Variants in FBN2 observed in about 807,000 individuals in gnomAD.
The protein encoded by FBN2 is fibrillin-2.
Under a neutral mutation model 355.6 loss-of-function variants are expected in FBN2, and 105 were observed. That is an observed-to-expected ratio of 0.30 (90% CI 0.25 to 0.35). The LOEUF (loss-of-function observed/expected upper bound fraction) is 0.35. Ranked by LOEUF, FBN2 falls within the 10% of genes least tolerant of loss-of-function variation. The pLI, the probability that FBN2 is intolerant of heterozygous loss-of-function variation, is 1.00. For missense variants in FBN2, 3,280 were observed against 3,758.7 expected (o/e 0.87, Z 3.33); for synonymous variants, 1,350 against 1,301.2 (o/e 1.04, Z -0.81).
intron 7 of FBN2, 158 bp downstream of exon 7, chr5:128,446,323 A>C: frequency 2.8e-6 from 2 of 719,892 alleles, no homozygotes; most frequent in Middle Eastern, 4.1e-4. Flanking sequence ...TAAGGCTACA[A>C]TACACAAACA....
chr5:128,400,172 T>C (rs1473410395), intron 8 of FBN2, among the ~76,000 whole-genome samples: 1 of 151,744 alleles, frequency 6.6e-6, no homozygotes, highest in African/African-American at 2.4e-5. Context: ...TATTTTTTGG[T>C]TTATTTTGTG....
chr5:128,487,678 T>C (rs1416712809), intron 5 of FBN2, among the ~76,000 whole-genome samples: 1 of 139,796 alleles, frequency 7.2e-6, no homozygotes, highest in Non-Finnish European at 1.5e-5. Context: ...AATCAATGAA[T>C]GTTTCACTTT....
At chr5:128,506,764 T>C (rs1457669331) in intron 5 of FBN2, among the ~76,000 whole-genome samples, 1 of 152,150 alleles carries the variant, frequency 6.6e-6, no homozygotes. Flanking sequence ...CCTTCTTTCA[T>C]GTTGAGGAAA....
chr5:128,412,859 C>T (rs11241957), intron 7 of FBN2, among the ~76,000 whole-genome samples: 20,035 of 151,974 alleles, frequency 0.13, 2,329 homozygotes, highest in East Asian at 0.71. Context: ...ATATAATAGT[C>T]CAGGGATAAA....
intron 27 of FBN2, 35 bp from the exon 28 acceptor site, chr5:128,336,148 A>C: frequency 6.2e-7 from 1 of 1,607,110 alleles, no homozygotes; most frequent in South Asian, 1.1e-5. Context: ...GCTTTACACA[A>C]TGTCCACTCA....
At chr5:128,359,152 C>A (rs1018521476) in intron 19 of FBN2, among the ~76,000 whole-genome samples, 1 of 151,950 alleles carries the variant, frequency 6.6e-6, no homozygotes, top group African/African-American at 2.4e-5. Context: ...TCTGTAACTT[C>A]AATCTGAAAT....
chr5:128,442,415 G>C (rs1382773893), intron 7 of FBN2: 1 of 455,060 alleles, frequency 2.2e-6, no homozygotes, highest in South Asian at 1.6e-5. Context: ...AAAGAAAAAC[G>C]CTGAGCTGTC....
At chr5:128,360,553 G>A (rs1751612620) in intron 19 of FBN2, among the ~76,000 whole-genome samples, 1 of 152,006 alleles carries the variant, frequency 6.6e-6, no homozygotes, top group African/African-American at 2.4e-5. Flanking sequence ...ATTTTATGCT[G>A]AAGTTTTCTT....
intron 4 of FBN2, among the ~76,000 whole-genome samples, chr5:128,525,281 G>A (rs901102206): frequency 4.6e-5 from 7 of 152,090 alleles, no homozygotes; most frequent in African/African-American, 1.7e-4. Context: ...CTCTTCATTG[G>A]TTATGAAACT....
intron 9 of FBN2, 150 bp from the exon 10 acceptor site, chr5:128,393,518 G>T: frequency 1.5e-6 from 1 of 647,190 alleles, no homozygotes; most frequent in African/African-American, 1.8e-5. Context: ...TTTTAATGCT[G>T]GCAGTAGCAA....
chr5:128,302,345 C>T (rs1247423996), intron 46 of FBN2, among the ~76,000 whole-genome samples: 1 of 152,250 alleles, frequency 6.6e-6, no homozygotes, highest in Non-Finnish European at 1.5e-5. Context: ...TGTCATTTCT[C>T]TTATTCTCTC....
In FBN2 at chr5:128,361,772, A is replaced by G; in HGVS notation, c.2505T>C (p.Cys835=). ...TGAACACATACCCTGGTGGGCACGT[A>G]CAGCTGTAACTTCCTGGCGTGTTTC... ...LCRNTPGSYS[C]TCPPGYVFRT... The change falls in exon 19 of 65, where the codon TGT becomes TGC. Residue 835 remains cysteine (C), a synonymous_variant. Coordinates refer to ENST00000262464, the MANE Select transcript of FBN2 (RefSeq NM_001999.4). 1 of 1,614,152 alleles carries G rather than the reference A, an allele frequency of 6.2e-7. No individual in the cohort carries two copies. Among genetic ancestry groups the G allele is most frequent in the Non-Finnish European group, 8.5e-7 (1 of 1,179,970 alleles).
chr5:128,383,937 C>T (rs987276641), intron 11 of FBN2, among the ~76,000 whole-genome samples: 14 of 151,996 alleles, frequency 9.2e-5, no homozygotes, highest in African/African-American at 3.4e-4. Context: ...CACTCCACGC[C>T]TAGGTATATA....
Position 128,335,514 on chromosome 5 carries a change from C to T in FBN2, c.3788G>A (p.Ser1263Asn). 1 of 1,614,062 alleles carries T rather than the reference C, an allele frequency of 6.2e-7. No individual in the cohort carries two copies. Among genetic ancestry groups the T allele is most frequent in the Non-Finnish European group, 8.5e-7 (1 of 1,179,894 alleles). Residue 1263 changes from serine (S) to asparagine (N), a missense_variant, in exon 29 of 65, where the codon AGC becomes AAC. Physicochemically the swap from Ser to Asn is conservative, Grantham distance 46 (BLOSUM62 1). Coordinates refer to ENST00000262464, the MANE Select transcript of FBN2 (RefSeq NM_001999.4). ...ACCCTCACTGCAGCTGCATTCGTAGCTTCCCTCTGAATTTGTGCACTGGGT... is the reference window on the plus strand; with the variant it reads ...ACCCTCACTGCAGCTGCATTCGTAGTTTCCCTCTGAATTTGTGCACTGGGT... Reference protein sequence around the residue: ...CDTQCTNSEGSYECSCSEGYA... With the variant: ...CDTQCTNSEGNYECSCSEGYA...
chr5:128,392,277 T>C (rs1752537087), intron 10 of FBN2, 122 bp from the exon 11 acceptor site: 1 of 834,380 alleles, frequency 1.2e-6, no homozygotes, highest in Non-Finnish European at 1.9e-6. Flanking sequence ...TCATATTTTA[T>C]ATTTTATTAA....
chr5:128,378,344 G>C (rs1368027522), intron 12 of FBN2, among the ~76,000 whole-genome samples: 2 of 152,194 alleles, frequency 1.3e-5, no homozygotes, highest in Non-Finnish European at 2.9e-5. Flanking sequence ...ATTCTGAGAT[G>C]AATCAGCAAT....
At chr5:128,457,802 A>G (rs780073515) in intron 6 of FBN2, among the ~76,000 whole-genome samples, 2 of 152,102 alleles carry the variant, frequency 1.3e-5, no homozygotes, top group Non-Finnish European at 2.9e-5. Context: ...TCATGAAAGA[A>G]GCACTAAATA....
chr5:128,518,618 A>G (rs886793874), intron 5 of FBN2, among the ~76,000 whole-genome samples: 2 of 152,202 alleles, frequency 1.3e-5, no homozygotes, highest in African/African-American at 4.8e-5. Context: ...GGCAGCGTAC[A>G]AAGTGTCTCT....
chr5:128,265,508 T>C (rs559450091), intron 62 of FBN2, among the ~76,000 whole-genome samples: 10 of 152,304 alleles, frequency 6.6e-5, no homozygotes, highest in Non-Finnish European at 1.3e-4. Flanking sequence ...TTGAACTGAT[T>C]CAAGCCTCAC....
Sources: gnomAD v4.1 joint callset for allele counts (sites outside exome capture counted in the v4.1 genomes callset) on GRCh38, gnomAD v4.1.1 for gene constraint, MANE v1.5 for transcripts, NCBI Gene and HGNC (gene_info 2026-07-23, HGNC 2026-07-21) for gene names.